The following ZNRF1 variants were observed in gnomAD, a reference collection of about 807,000 sequenced individuals.
The protein encoded by ZNRF1 is zinc and ring finger 1, also known as E3 ubiquitin-protein ligase ZNRF1.
ZNRF1 carries 3 observed loss-of-function variants against 18.4 expected under a neutral mutation model. The observed-to-expected ratio is 0.16, with a 90% CI of 0.07 to 0.42. ZNRF1 has a LOEUF of 0.42. Among genes scored for constraint, ZNRF1 ranks in the 10% least tolerant of loss-of-function variants. The pLI, the probability that ZNRF1 is intolerant of heterozygous loss-of-function variation, is 0.99. For synonymous variants in ZNRF1, 157 were observed against 144.2 expected (o/e 1.09, Z -0.64); for missense variants, 310 against 329.8 (o/e 0.94, Z 0.47).
intron 1 of ZNRF1, among the ~76,000 whole-genome samples, chr16:75,057,734 C>G (rs1291346245): frequency 6.6e-6 from 1 of 152,216 alleles, no homozygotes; most frequent in African/African-American, 2.4e-5. Flanking sequence ...CTCCCGGGTT[C>G]AAGTGATTCT....
At chr16:75,104,733 C>T in intron 2 of ZNRF1, 51 bp from the exon 3 acceptor site, 2 of 1,516,854 alleles carry the variant, frequency 1.3e-6, no homozygotes, top group East Asian at 2.4e-5. Flanking sequence ...CCCCATGCCA[C>T]CTGTCCACTG....
chr16:75,019,568 G>A (rs2035117334), intron 1 of ZNRF1, among the ~76,000 whole-genome samples: 1 of 152,072 alleles, frequency 6.6e-6, no homozygotes, highest in Admixed American at 6.6e-5. Flanking sequence ...TTAGAAGTTT[G>A]TATAACAACT....
At chr16:75,047,658 T>A (rs1003860673) in intron 1 of ZNRF1, among the ~76,000 whole-genome samples, 7 of 152,212 alleles carry the variant, frequency 4.6e-5, no homozygotes, top group Non-Finnish European at 8.8e-5. Context: ...TATTACCATT[T>A]GTAGATTTTC....
intron 1 of ZNRF1, among the ~76,000 whole-genome samples, chr16:75,092,104 GC>G (rs2145420475): frequency 6.6e-6 from 1 of 152,196 alleles, no homozygotes; most frequent in East Asian, 1.9e-4. Flanking sequence ...TTCAAGACCA[GC>G]CTAGGCAGCA....
At chr16:75,038,536 C>G (rs1156335092) in intron 1 of ZNRF1, among the ~76,000 whole-genome samples, 1 of 152,138 alleles carries the variant, frequency 6.6e-6, no homozygotes, top group Non-Finnish European at 1.5e-5. Context: ...GGCATTGTGA[C>G]AAGGGGAAGG....
intron 1 of ZNRF1, among the ~76,000 whole-genome samples, chr16:75,000,801 C>T (rs916642444): frequency 2.6e-5 from 4 of 152,132 alleles, no homozygotes; most frequent in African/African-American, 9.7e-5. Context: ...TTCTTCTGCT[C>T]CATGCTAAGT....
chr16:75,051,872 C>T (rs1042245304), intron 1 of ZNRF1, among the ~76,000 whole-genome samples: 1 of 152,192 alleles, frequency 6.6e-6, no homozygotes, highest in African/African-American at 2.4e-5. Context: ...TCTATCCACT[C>T]CTTTATTTAT....
At chr16:75,093,698 A>G (rs773943977) in intron 2 of ZNRF1, 31 bp downstream of exon 2, 1 of 1,586,920 alleles carries the variant, frequency 6.3e-7, no homozygotes, top group Non-Finnish European at 8.7e-7. Flanking sequence ...ACCAGCCTCC[A>G]GAGCATCCGT....
intron 1 of ZNRF1, among the ~76,000 whole-genome samples, chr16:75,068,740 C>T (rs539085369): frequency 5.3e-5 from 8 of 152,042 alleles, no homozygotes; most frequent in African/African-American, 1.7e-4. Flanking sequence ...ACTTCTGCAG[C>T]CACGCAGGTC....
At chr16:75,035,329 G>T (rs2035364033) in intron 1 of ZNRF1, among the ~76,000 whole-genome samples, 1 of 152,168 alleles carries the variant, frequency 6.6e-6, no homozygotes, top group East Asian at 1.9e-4. Flanking sequence ...CCGCTGCACT[G>T]GGCCTTAAAA....
intron 1 of ZNRF1, among the ~76,000 whole-genome samples, chr16:75,075,970 A>G (rs913562264): frequency 3.9e-5 from 6 of 152,210 alleles, no homozygotes; most frequent in East Asian, 1.9e-4. Flanking sequence ...TGTGTGAGGT[A>G]GAGAATAGCT....
intron 1 of ZNRF1, among the ~76,000 whole-genome samples, chr16:75,044,716 C>T (rs2035492311): frequency 6.6e-6 from 1 of 152,192 alleles, no homozygotes; most frequent in South Asian, 2.1e-4. Flanking sequence ...ACTAATTTCA[C>T]AAGGCAGTAT....
chr16:75,025,456 TC>T (rs1235352790), intron 1 of ZNRF1, among the ~76,000 whole-genome samples: 1 of 152,008 alleles, frequency 6.6e-6, no homozygotes, highest in Non-Finnish European at 1.5e-5. Context: ...TCCCTGACTA[TC>T]CCCCCAAAAT....
chr16:75,047,733 T>G (rs1264502439), intron 1 of ZNRF1, among the ~76,000 whole-genome samples: 2 of 152,324 alleles, frequency 1.3e-5, no homozygotes, highest in South Asian at 4.1e-4. Flanking sequence ...TTAAATCTTT[T>G]GCCTACCATG....
chr16:75,093,627 C>T lies in ZNRF1; in HGVS notation c.480C>T (p.His160=). ...KSVASDEMEM[H]FIMCLSKPRL... ...TGGCTTCTGACGAGATGGAAATGCACTTTATAATGTGTTTGAGCAAACCTC... is the reference window on the plus strand; with the variant it reads ...TGGCTTCTGACGAGATGGAAATGCATTTTATAATGTGTTTGAGCAAACCTC... Residue 160 remains histidine (H), a synonymous_variant, in exon 2 of 5, where the codon CAC becomes CAT. Coordinates refer to ENST00000335325, the MANE Select transcript of ZNRF1 (RefSeq NM_032268.5). 6.2e-7 allele frequency: 1 copy of T among 1,614,138 alleles called. No individual in the cohort carries two copies. Among genetic ancestry groups the T allele is most frequent in the Non-Finnish European group, 8.5e-7 (1 of 1,179,982 alleles).
chr16:75,097,000 G>A (rs1034707184), intron 2 of ZNRF1, among the ~76,000 whole-genome samples: 3 of 152,116 alleles, frequency 2.0e-5, no homozygotes, highest in South Asian at 2.1e-4. Context: ...CCAGAGCACC[G>A]AATGTTAAAC....
rs147203811 is a variant in ZNRF1, at chr16:75,072,963, G to A, written c.425-20609G>A. Among the ~76,000 whole-genome samples, 118 of 152,234 alleles carry A rather than the reference G, an allele frequency of 7.8e-4. 1 individual carries two copies. The highest frequency in any genetic ancestry group is 2.7e-3 in the African/African-American group (114 of 41,550). ...GTGCTACTGTTCATCACACTCAACC[G>A]GTTATCTAGTTAGTGAAAGAAAGCA... is the stretch of plus-strand genomic sequence containing the variant. On this transcript the variant is annotated intron_variant, in intron 1 of 4. Coordinates refer to ENST00000335325, the MANE Select transcript of ZNRF1 (RefSeq NM_032268.5).
intron 1 of ZNRF1, among the ~76,000 whole-genome samples, chr16:75,091,856 C>G (rs1018511014): frequency 5.9e-5 from 9 of 152,086 alleles, no homozygotes; most frequent in African/African-American, 2.2e-4. Context: ...ACTTTTGACT[C>G]CCCCACAACT....
intron 1 of ZNRF1, among the ~76,000 whole-genome samples, chr16:75,050,353 CT>C (rs1355087176): frequency 6.6e-6 from 1 of 152,028 alleles, no homozygotes; most frequent in Admixed American, 6.6e-5. Context: ...TGGCAAAACC[CT>C]GTCTCTACCC....
Sources: gnomAD v4.1 joint callset for allele counts (sites outside exome capture counted in the v4.1 genomes callset) on GRCh38, gnomAD v4.1.1 for gene constraint, MANE v1.5 for transcripts, NCBI Gene and HGNC (gene_info 2026-07-23, HGNC 2026-07-21) for gene names.